SGCZ: variants seen among roughly 807,000 people sequenced by gnomAD.
SGCZ encodes zeta-sarcoglycan.
Under a neutral mutation model 41.3 loss-of-function variants are expected in SGCZ, and 40 were observed. The observed-to-expected ratio is 0.97, with a 90% CI of 0.75 to 1.26. SGCZ has a LOEUF of 1.26. SGCZ is among the 50% of genes most tolerant of loss of function. The pLI, the probability that SGCZ is intolerant of heterozygous loss-of-function variation, is 0.00. For missense variants in SGCZ, 552 were observed against 369.8 expected (o/e 1.49, Z -4.04); for synonymous variants, 206 against 137.5 (o/e 1.50, Z -3.49).
At chr8:15,007,640 A>C (rs1214837449) in intron 1 of SGCZ, among the ~76,000 whole-genome samples, 1 of 152,238 alleles carries the variant, frequency 6.6e-6, no homozygotes, top group Non-Finnish European at 1.5e-5. Context: ...GTAATTCTAT[A>C]ATTACCTATA....
At chr8:14,821,495 T>C (rs1802082436) in intron 1 of SGCZ, among the ~76,000 whole-genome samples, 1 of 151,900 alleles carries the variant, frequency 6.6e-6, no homozygotes, top group Non-Finnish European at 1.5e-5. Context: ...ATTCCAAAAA[T>C]GAATAAGGAA....
intron 1 of SGCZ, among the ~76,000 whole-genome samples, chr8:15,018,675 T>C (rs1159001558): frequency 6.6e-6 from 1 of 152,104 alleles, no homozygotes; most frequent in Non-Finnish European, 1.5e-5. Flanking sequence ...GGTGAAGATT[T>C]ATGGAAGTGA....
chr8:15,186,297 A>G, intron 1 of SGCZ, among the ~76,000 whole-genome samples: 1 of 112,310 alleles, frequency 8.9e-6, no homozygotes, highest in East Asian at 2.6e-4. Context: ...AAAAAAAAAA[A>G]AAAGTTAATT....
chr8:14,733,351 C>T lies in SGCZ; in HGVS notation c.40-178425G>A, dbSNP rs187274879. On this transcript the variant is annotated intron_variant, in intron 1 of 7. Transcript: ENST00000382080. Reference sequence around the variant, plus strand: ...TGAGGATCTATATTTCCTTCTCATTCCCTCTGCCTCCTAACCAACCCTAGT... The same window carrying T: ...TGAGGATCTATATTTCCTTCTCATTTCCTCTGCCTCCTAACCAACCCTAGT... Among the ~76,000 whole-genome samples, 287 of 152,310 alleles carry T rather than the reference C, an allele frequency of 1.9e-3. 1 individual carries two copies. The highest frequency in any genetic ancestry group is 6.8e-3 in the Middle Eastern group (2 of 294).
At chr8:14,425,026 T>C (rs979835810) in intron 2 of SGCZ, among the ~76,000 whole-genome samples, 16 of 152,182 alleles carry the variant, frequency 1.1e-4, no homozygotes, top group Admixed American at 5.9e-4. Flanking sequence ...GAGCTTGAAA[T>C]ATATTTTCTG....
At chr8:14,823,253 G>A (rs1011475650) in intron 1 of SGCZ, among the ~76,000 whole-genome samples, 3 of 151,652 alleles carry the variant, frequency 2.0e-5, no homozygotes, top group Non-Finnish European at 2.9e-5. Flanking sequence ...ACAAAAAAAC[G>A]TTTTGCACAG....
At chr8:14,935,998 C>A (rs935188198) in intron 1 of SGCZ, among the ~76,000 whole-genome samples, 1 of 151,676 alleles carries the variant, frequency 6.6e-6, no homozygotes, top group Admixed American at 6.6e-5. Flanking sequence ...AATTTCCATG[C>A]GATTAAATGA....
intron 1 of SGCZ, among the ~76,000 whole-genome samples, chr8:14,946,404 T>G (rs1477867916): frequency 6.6e-6 from 1 of 152,018 alleles, no homozygotes; most frequent in Non-Finnish European, 1.5e-5. Flanking sequence ...GCATTTCATT[T>G]CTAACTGCCC....
intron 1 of SGCZ, among the ~76,000 whole-genome samples, chr8:14,931,240 A>G (rs931825804): frequency 6.6e-6 from 1 of 151,994 alleles, no homozygotes; most frequent in Non-Finnish European, 1.5e-5. Context: ...GGGGTAAAAA[A>G]AATCTCATTT....
At chr8:14,438,305 G>A (rs560179252) in intron 2 of SGCZ, among the ~76,000 whole-genome samples, 3 of 152,072 alleles carry the variant, frequency 2.0e-5, no homozygotes, top group Admixed American at 2.0e-4. Context: ...AAGGTCAATA[G>A]AGTGTATTTA....
rs17118869 is a variant in SGCZ at position 14,252,897 on chromosome 8, T to C, written c.337-15218A>G. ...ACTTCACCATACTGGCTTTCCATTA[T>C]CTTTTGCAAATTTAGAAATTCAAAG... On this transcript the variant is annotated intron_variant, in intron 3 of 7. Coordinates refer to ENST00000382080, the MANE Select transcript of SGCZ (RefSeq NM_139167.4). Among the ~76,000 whole-genome samples the C allele has an allele frequency of 2.0e-3, 304 of 152,336 alleles. 9 individuals carry two copies. The East Asian group carries it at 0.053, about 27-fold the overall frequency.
intron 1 of SGCZ, among the ~76,000 whole-genome samples, chr8:14,629,348 TAATGTAAAATA>T (rs779548666): frequency 0.35 from 52,888 of 152,008 alleles, 9,429 homozygotes; most frequent in East Asian, 0.62. Context: ...TAGGTAAGAT[TAATGTAAAATA>T]CATTATCTAA....
At chr8:14,370,798 A>G (rs1293619170) in intron 2 of SGCZ, among the ~76,000 whole-genome samples, 1 of 151,928 alleles carries the variant, frequency 6.6e-6, no homozygotes, top group East Asian at 1.9e-4. Context: ...TAAAATCACT[A>G]CAATCATTAA....
chr8:14,256,528 A>T (rs187517541), intron 3 of SGCZ, among the ~76,000 whole-genome samples: 1 of 150,870 alleles, frequency 6.6e-6, no homozygotes, highest in East Asian at 2.0e-4. Context: ...TATAAATCCT[A>T]CTATGAGTTT....
intron 1 of SGCZ, among the ~76,000 whole-genome samples, chr8:14,631,659 C>G (rs988168818): frequency 6.6e-6 from 1 of 152,074 alleles, no homozygotes; most frequent in South Asian, 2.1e-4. Flanking sequence ...TTACAGAATA[C>G]TGAAAGATAA....
chr8:14,275,026 A>G (rs1445930037), intron 3 of SGCZ, among the ~76,000 whole-genome samples: 1 of 152,204 alleles, frequency 6.6e-6, no homozygotes, highest in Non-Finnish European at 1.5e-5. Flanking sequence ...TCAGAATTTT[A>G]GAATTTAATA....
At chr8:14,450,708 C>T (rs888480774) in intron 2 of SGCZ, among the ~76,000 whole-genome samples, 2 of 152,098 alleles carry the variant, frequency 1.3e-5, no homozygotes, top group Admixed American at 6.6e-5. Flanking sequence ...TTTTAAGATT[C>T]TTAGAAAGTT....
At chr8:14,424,134 T>C (rs934946077) in intron 2 of SGCZ, among the ~76,000 whole-genome samples, 3 of 152,086 alleles carry the variant, frequency 2.0e-5, no homozygotes, top group Non-Finnish European at 4.4e-5. Context: ...TAAAGTCAAA[T>C]AGGTGTGAAA....
chr8:14,358,503 T>C (rs537228254), intron 2 of SGCZ, among the ~76,000 whole-genome samples: 1 of 152,278 alleles, frequency 6.6e-6, no homozygotes, highest in African/African-American at 2.4e-5. Flanking sequence ...ATGTTATATG[T>C]CAAGGAAACT....
Sources: allele counts gnomAD v4.1 joint callset (sites outside exome capture counted in the v4.1 genomes callset), GRCh38; gene constraint gnomAD v4.1.1; transcripts MANE v1.5; gene names NCBI Gene and HGNC (gene_info 2026-07-23, HGNC 2026-07-21).